FTCDNL1: variants seen among roughly 807,000 people sequenced by gnomAD.
The protein encoded by FTCDNL1 is formiminotransferase N-terminal subdomain-containing protein.
A neutral mutation model predicts 5.9 loss-of-function variants in FTCDNL1; 11 were observed. The ratio of observed to expected loss-of-function variants is 1.87; its 90% CI spans 1.18 to 3.10. The LOEUF is 3.10. Ranked by LOEUF, FTCDNL1 falls within the 30% of genes most tolerant of loss-of-function variation. The pLI, the probability that FTCDNL1 is intolerant of heterozygous loss-of-function variation, is 0.00. For synonymous variants in FTCDNL1, 58 were observed against 24.8 expected (o/e 2.34, Z -3.99); for missense variants, 115 against 65.5 (o/e 1.76, Z -2.61).
chr2:199,720,338 G>C, the FTCDNL1 span, among the ~76,000 whole-genome samples: 1 of 152,208 alleles, frequency 6.6e-6, no homozygotes, highest in Admixed American at 6.5e-5. Flanking sequence ...TTGATAAAGA[G>C]AGAGCACCAC....
intron 3 of FTCDNL1, among the ~76,000 whole-genome samples, chr2:199,830,201 C>A (rs974467948): frequency 2.6e-5 from 4 of 152,006 alleles, no homozygotes; most frequent in Non-Finnish European, 5.9e-5. Context: ...AGGTAAAATT[C>A]TCTACCGGAA....
the FTCDNL1 span, among the ~76,000 whole-genome samples, chr2:199,712,855 T>C: frequency 5.3e-5 from 8 of 152,296 alleles, no homozygotes; most frequent in Admixed American, 3.3e-4. Flanking sequence ...AGTCATACCA[T>C]ATAAAGAGCT....
At chr2:199,760,862 T>C in intron 3 of FTCDNL1, 1 of 702,182 alleles carries the variant, frequency 1.4e-6, no homozygotes, top group Non-Finnish European at 2.6e-6. Context: ...GAGAGATTAG[T>C]ATTTGGAAGA....
At chr2:199,843,221 G>A (rs1269190476) in intron 3 of FTCDNL1, among the ~76,000 whole-genome samples, 1 of 152,210 alleles carries the variant, frequency 6.6e-6, no homozygotes, top group South Asian at 2.1e-4. Flanking sequence ...AGGGAAGGGA[G>A]AAATCCTGTG....
chr2:199,686,474 T>A, the FTCDNL1 span, among the ~76,000 whole-genome samples: 10 of 152,200 alleles, frequency 6.6e-5, no homozygotes, highest in Admixed American at 3.3e-4. Flanking sequence ...TAGGTTCAGT[T>A]AACACACTCC....
chr2:199,690,217 G>C, the FTCDNL1 span, among the ~76,000 whole-genome samples: 1 of 152,156 alleles, frequency 6.6e-6, no homozygotes, highest in Non-Finnish European at 1.5e-5. Context: ...AGTACATTGG[G>C]GTTTCCACTG....
chr2:199,845,966 AT>A, intron 3 of FTCDNL1, 108 bp downstream of exon 3: 1 of 524,392 alleles, frequency 1.9e-6, no homozygotes, highest in Non-Finnish European at 3.4e-6. Context: ...TCTTTACTTA[AT>A]AGAGGGGAGT....
downstream of FTCDNL1, among the ~76,000 whole-genome samples, chr2:199,804,848 C>CA (rs553236391): frequency 1.8e-3 from 277 of 151,804 alleles, 3 homozygotes; most frequent in African/African-American, 6.1e-3. Context: ...AAAGAGATCA[C>CA]AAAAAAAATT....
chr2:199,732,925 A>C, the FTCDNL1 span, among the ~76,000 whole-genome samples: 1 of 152,200 alleles, frequency 6.6e-6, no homozygotes, highest in South Asian at 2.1e-4. Flanking sequence ...TATTTAAAAG[A>C]CTAGCATGAC....
At chr2:199,819,237 C>T (rs1701534333) in intron 4 of FTCDNL1, 4 of 300,040 alleles carry the variant, frequency 1.3e-5, no homozygotes, top group Admixed American at 4.5e-5. Context: ...CTAGGACACA[C>T]CCCACACCAT....
intron 3 of FTCDNL1, among the ~76,000 whole-genome samples, chr2:199,779,987 T>C (rs913527378): frequency 3.9e-5 from 6 of 152,270 alleles, no homozygotes; most frequent in South Asian, 4.2e-4. Flanking sequence ...GTACCACCTC[T>C]TATCACGTGC....
the FTCDNL1 span, among the ~76,000 whole-genome samples, chr2:199,696,220 C>T: frequency 3.2e-4 from 48 of 152,254 alleles, no homozygotes; most frequent in Admixed American, 3.1e-3. Context: ...CACCCTGCCA[C>T]TGTTGGCTCA....
At position 199,764,167 on chromosome 2, in the gene FTCDNL1, T is replaced by C. The variant is rs2106254989; in HGVS notation, c.212-3332A>G. ...TGGAATATTTATTTAACAAATATTG[T>C]CATGGCACGTACTGTGCACTAGACA... is the stretch of plus-strand genomic sequence containing the variant. On this transcript the variant is annotated intron_variant, in intron 3 of 3. Transcript: ENST00000416668. 2.0e-5 allele frequency among the ~76,000 whole-genome samples: 3 copies of C among 152,338 alleles called. No individual in the cohort carries two copies. The South Asian group carries it at 6.2e-4, about 32-fold the overall frequency.
the FTCDNL1 span, among the ~76,000 whole-genome samples, chr2:199,744,445 C>T: frequency 6.6e-6 from 1 of 151,250 alleles, no homozygotes; most frequent in Non-Finnish European, 1.5e-5. Flanking sequence ...CACACACACA[C>T]AGAGAGAGAG....
chr2:199,735,781 C>T, the FTCDNL1 span, among the ~76,000 whole-genome samples: 2 of 152,270 alleles, frequency 1.3e-5, no homozygotes, highest in African/African-American at 4.8e-5. Context: ...GCCATATTCA[C>T]AGCTCTATCA....
At chr2:199,694,638 C>T in the FTCDNL1 span, among the ~76,000 whole-genome samples, 3 of 152,048 alleles carry the variant, frequency 2.0e-5, no homozygotes, top group African/African-American at 7.2e-5. Flanking sequence ...TCAGCCTGGG[C>T]AACATAGTGA....
At chr2:199,714,145 G>A in the FTCDNL1 span, among the ~76,000 whole-genome samples, 3 of 152,126 alleles carry the variant, frequency 2.0e-5, no homozygotes, top group East Asian at 5.8e-4. Flanking sequence ...ACAAAATACT[G>A]ATATGTTTAT....
chr2:199,788,100 A>G (rs574329081), intron 3 of FTCDNL1, among the ~76,000 whole-genome samples: 188 of 152,370 alleles, frequency 1.2e-3, no homozygotes, highest in Non-Finnish European at 2.4e-3. Context: ...CTAAGATGCT[A>G]TAAGAAAAAG....
the FTCDNL1 span, among the ~76,000 whole-genome samples, chr2:199,753,390 C>G: frequency 1.1e-4 from 17 of 152,350 alleles, no homozygotes; most frequent in African/African-American, 3.8e-4. Context: ...CAGGGCCATG[C>G]TGTACAGGAG....
Sources: allele counts gnomAD v4.1 joint callset (sites outside exome capture counted in the v4.1 genomes callset), GRCh38; gene constraint gnomAD v4.1.1; transcripts MANE v1.5; gene names NCBI Gene and HGNC (gene_info 2026-07-23, HGNC 2026-07-21).